The following TENM3 variants were observed in gnomAD, a reference collection of about 807,000 sequenced individuals.
TENM3 encodes the protein teneurin transmembrane protein 3.
A neutral mutation model predicts 255.1 loss-of-function variants in TENM3; 63 were observed. The observed-to-expected ratio is 0.25, with a 90% confidence interval of 0.20 to 0.30. The LOEUF (loss-of-function observed/expected upper bound fraction) is 0.30. Among genes scored for constraint, TENM3 ranks in the 10% least tolerant of loss-of-function variants. TENM3 has a pLI of 1.00. For synonymous variants in TENM3, 1,306 were observed against 1,322.3 expected, an observed-to-expected ratio of 0.99 and a Z score of 0.27; for missense variants, 2,929 against 3,461.1, an observed-to-expected ratio of 0.85 and a Z score of 3.86.
At chr4:182,553,215 C>T (rs1742233892) in intron 3 of TENM3, among the ~76,000 whole-genome samples, 1 of 152,110 alleles carries the variant, frequency 6.6e-6, no homozygotes, top group African/African-American at 2.4e-5. Flanking sequence ...TTGCCTCAGC[C>T]TGCAGAGTAG....
At position 182,728,958 on chromosome 4, in the gene TENM3, TC is replaced by T; in HGVS notation, c.2369-6del. ...ATTCTCTTACTGGGGAACATTTCTCTCTACAGATGGACTCATTGACTGCATG... is the reference window on the plus strand; with the variant it reads ...ATTCTCTTACTGGGGAACATTTCTCTTACAGATGGACTCATTGACTGCATG... On this transcript the variant is annotated splice_region_variant and splice_polypyrimidine_tract_variant and intron_variant, in intron 13 of 27. Coordinates refer to ENST00000511685, the MANE Select transcript of TENM3 (RefSeq NM_001080477.4). 3 of 1,612,012 alleles carry T rather than the reference TC, an allele frequency of 1.9e-6. No homozygotes were observed. The highest frequency in any genetic ancestry group is 2.7e-5 in the African/African-American group (2 of 74,960).
At chr4:182,619,191 G>C (rs1285006079) in intron 4 of TENM3, among the ~76,000 whole-genome samples, 4 of 152,226 alleles carry the variant, frequency 2.6e-5, no homozygotes, top group African/African-American at 9.6e-5. Flanking sequence ...ACTTTGGGAG[G>C]CCGAGGCAAG....
At chr4:182,336,746 G>C (rs1253618199) in intron 2 of TENM3, among the ~76,000 whole-genome samples, 1 of 152,120 alleles carries the variant, frequency 6.6e-6, no homozygotes, top group African/African-American at 2.4e-5. Flanking sequence ...ATTTATTTTA[G>C]GGATGAAATG....
the TENM3 span, among the ~76,000 whole-genome samples, chr4:181,462,268 A>G: frequency 6.6e-6 from 1 of 152,164 alleles, no homozygotes; most frequent in Non-Finnish European, 1.5e-5. Context: ...CCTCTTATTC[A>G]TGTATAAATT....
At chr4:181,948,085 A>G in the TENM3 span, among the ~76,000 whole-genome samples, 20 of 152,336 alleles carry the variant, frequency 1.3e-4, no homozygotes, top group South Asian at 2.1e-3. Flanking sequence ...TCAGGGAGAC[A>G]CAGTTTTATT....
At chr4:181,474,517 T>C in the TENM3 span, among the ~76,000 whole-genome samples, 1 of 151,836 alleles carries the variant, frequency 6.6e-6, no homozygotes, top group Non-Finnish European at 1.5e-5. Flanking sequence ...AGGCGAATCA[T>C]GGGGTCAGGA....
chr4:182,103,653 C>A, the TENM3 span, among the ~76,000 whole-genome samples: 2 of 152,264 alleles, frequency 1.3e-5, no homozygotes, highest in Admixed American at 6.5e-5. Context: ...GACAGCAAAG[C>A]CAAAGGAGAG....
At chr4:182,108,516 A>G in the TENM3 span, among the ~76,000 whole-genome samples, 1 of 152,062 alleles carries the variant, frequency 6.6e-6, no homozygotes, top group East Asian at 1.9e-4. Flanking sequence ...GTCATTTACA[A>G]AAATGCGTTA....
chr4:181,459,626 A>C, the TENM3 span, among the ~76,000 whole-genome samples: 1 of 151,920 alleles, frequency 6.6e-6, no homozygotes, highest in Non-Finnish European at 1.5e-5. Flanking sequence ...ATCTGGGATC[A>C]GGAATTGACC....
At chr4:182,072,975 G>C in the TENM3 span, among the ~76,000 whole-genome samples, 9 of 152,266 alleles carry the variant, frequency 5.9e-5, no homozygotes, top group Admixed American at 2.0e-4. Context: ...TGTTCTTGTA[G>C]GTAAAAGAAG....
At chr4:182,564,485 A>C (rs1292277920) in intron 3 of TENM3, among the ~76,000 whole-genome samples, 1 of 151,968 alleles carries the variant, frequency 6.6e-6, no homozygotes, top group African/African-American at 2.4e-5. Flanking sequence ...ATGAGACTAT[A>C]AGTCTTTTCA....
Position 182,802,585 on chromosome 4 carries a change from C to G in TENM3, c.*2234C>G, listed in dbSNP as rs531983220. 1.8e-4 allele frequency: 28 copies of G among 152,724 alleles called. No individual in the cohort carries two copies. Among genetic ancestry groups the G allele is most frequent in the Middle Eastern group, 3.4e-3 (1 of 294 alleles). The allele number at this position is 152,724 out of a possible 1,614,324, so 9.5% of individuals were successfully genotyped here. A position where few individuals can be genotyped will look rare whatever the true frequency, so the allele number is the denominator to read the frequency against. Reference sequence around the variant, plus strand: ...CCTCTTCTTGACGTGGACTGGTCTTCACTCGGGCACCGATAAATAACAGAT... The same window carrying G: ...CCTCTTCTTGACGTGGACTGGTCTTGACTCGGGCACCGATAAATAACAGAT... On this transcript the variant is annotated 3_prime_UTR_variant, in exon 28 of 28. Transcript: ENST00000511685.
chr4:181,847,164 A>G, the TENM3 span, among the ~76,000 whole-genome samples: 3 of 152,220 alleles, frequency 2.0e-5, no homozygotes, highest in South Asian at 6.2e-4. Flanking sequence ...TCTATTTTAG[A>G]TATGAAAATC....
chr4:182,671,726 A>C (rs1422458273), intron 6 of TENM3, among the ~76,000 whole-genome samples: 1 of 152,202 alleles, frequency 6.6e-6, no homozygotes, highest in Non-Finnish European at 1.5e-5. Flanking sequence ...CTCAGAGTTA[A>C]ACTAATAACT....
chr4:181,478,656 C>A, the TENM3 span, among the ~76,000 whole-genome samples: 1 of 152,180 alleles, frequency 6.6e-6, no homozygotes, highest in Non-Finnish European at 1.5e-5. Context: ...AGAACACTTT[C>A]TCTTCAGCAT....
chr4:181,636,656 C>T, the TENM3 span, among the ~76,000 whole-genome samples: 2 of 152,218 alleles, frequency 1.3e-5, no homozygotes, highest in African/African-American at 4.8e-5. Flanking sequence ...TTCTCCCCAC[C>T]TCTGCTGCAG....
chr4:181,821,340 C>T, the TENM3 span, among the ~76,000 whole-genome samples: 1 of 152,172 alleles, frequency 6.6e-6, no homozygotes, highest in African/African-American at 2.4e-5. Context: ...ACAATCTCTT[C>T]CCCCTTTGAA....
the TENM3 span, among the ~76,000 whole-genome samples, chr4:182,063,949 T>G: frequency 6.6e-6 from 1 of 152,098 alleles, no homozygotes; most frequent in African/African-American, 2.4e-5. Context: ...TGGGATAGAA[T>G]GCAGGAACAG....
In TENM3 at chr4:182,307,468, G is replaced by A. The variant is rs568711927; in HGVS notation, c.-75-16478G>A. On this transcript the variant is annotated intron_variant, in intron 1 of 27. Coordinates refer to ENST00000511685, the MANE Select transcript of TENM3 (RefSeq NM_001080477.4). Reference sequence around the variant, plus strand: ...GCCAACACCCAGTTGGGAAAGAGATGGAAATGTAGAGTAGCACTCACCTGA... The same window carrying A: ...GCCAACACCCAGTTGGGAAAGAGATAGAAATGTAGAGTAGCACTCACCTGA... Among the ~76,000 whole-genome samples the A allele has an allele frequency of 9.9e-5, 15 of 152,222 alleles. No homozygotes were observed. The South Asian group carries it at 2.1e-3, about 21-fold the overall frequency.
Sources: allele counts gnomAD v4.1 joint callset (sites outside exome capture counted in the v4.1 genomes callset), GRCh38; gene constraint gnomAD v4.1.1; transcripts MANE v1.5; gene names NCBI Gene and HGNC (gene_info 2026-07-23, HGNC 2026-07-21).